Variants in CCDC6 observed in about 807,000 individuals in gnomAD.
CCDC6 encodes coiled-coil domain-containing protein 6.
CCDC6 carries 20 observed loss-of-function variants against 56.6 expected under a neutral mutation model. The observed-to-expected ratio is 0.35, with a 90% CI of 0.25 to 0.51. The LOEUF (loss-of-function observed/expected upper bound fraction) is 0.51, where lower values mean the gene tolerates loss of function less well. Among genes scored for constraint, CCDC6 ranks in the 20% least tolerant of loss-of-function variants. The pLI is 0.95. For synonymous variants in CCDC6, 241 were observed against 234.4 expected (o/e 1.03, Z -0.26); for missense variants, 367 against 601.1 (o/e 0.61, Z 4.07).
At chr10:59,889,287 G>T (rs931315597) in intron 1 of CCDC6, among the ~76,000 whole-genome samples, 1 of 152,208 alleles carries the variant, frequency 6.6e-6, no homozygotes, top group East Asian at 1.9e-4. Flanking sequence ...CATTCTATGG[G>T]AGGGGCTTCT....
intron 2 of CCDC6, among the ~76,000 whole-genome samples, chr10:59,848,573 A>C (rs1450999354): frequency 6.6e-6 from 1 of 152,152 alleles, no homozygotes; most frequent in Non-Finnish European, 1.5e-5. Context: ...AGCTACCTGG[A>C]AGGTGAACTG....
At chr10:59,828,975 T>C (rs72817928) in intron 3 of CCDC6, among the ~76,000 whole-genome samples, 50 of 152,324 alleles carry the variant, frequency 3.3e-4, no homozygotes, top group African/African-American at 1.2e-3. Context: ...GAACCATTTA[T>C]AGCCCATAGA....
chr10:59,849,738 T>C (rs12250558), intron 2 of CCDC6, among the ~76,000 whole-genome samples: 13,398 of 152,212 alleles, frequency 0.088, 1,632 homozygotes, highest in African/African-American at 0.27. Flanking sequence ...GCATGATTTC[T>C]CTTAGCAGGC....
intron 1 of CCDC6, among the ~76,000 whole-genome samples, chr10:59,882,072 CGGGGAGAAGGAAAGGAAAGCCGG>C (rs1564755852): frequency 1.0e-4 from 4 of 38,506 alleles, no homozygotes; most frequent in African/African-American, 1.7e-4. Context: ...AGGAAAGCCG[CGGGGAGAAGGAAAGGAAAGCCGG>C]GGGGAGAAGG....
At chr10:59,817,844 C>T (rs57276799) in intron 3 of CCDC6, among the ~76,000 whole-genome samples, 3,876 of 152,234 alleles carry the variant, frequency 0.025, 164 homozygotes, top group African/African-American at 0.089. Context: ...TCTGGCCTAT[C>T]CATTCTGTCA....
chr10:59,801,449 C>A (rs1442476568), intron 7 of CCDC6, among the ~76,000 whole-genome samples: 1 of 152,196 alleles, frequency 6.6e-6, no homozygotes, highest in Admixed American at 6.5e-5. Context: ...TGGCAGCTAA[C>A]CACTCCCTTC....
intron 5 of CCDC6, among the ~76,000 whole-genome samples, chr10:59,808,425 C>A (rs1238843070): frequency 6.6e-6 from 1 of 152,188 alleles, no homozygotes; most frequent in Non-Finnish European, 1.5e-5. Context: ...ACCTCCCCAC[C>A]GCCCCCATTC....
At chr10:59,855,697 A>G (rs186927989) in intron 1 of CCDC6, among the ~76,000 whole-genome samples, 9 of 152,330 alleles carry the variant, frequency 5.9e-5, no homozygotes, top group African/African-American at 1.9e-4. Flanking sequence ...ACTTTGTACA[A>G]CCTTCCCAAT....
chr10:59,821,211 C>T (rs2070747375), intron 3 of CCDC6, among the ~76,000 whole-genome samples: 1 of 152,106 alleles, frequency 6.6e-6, no homozygotes, highest in Non-Finnish European at 1.5e-5. Flanking sequence ...CAGATTGTAC[C>T]TATATATTGG....
At chr10:59,877,217 A>G (rs1157837322) in intron 1 of CCDC6, among the ~76,000 whole-genome samples, 1 of 152,180 alleles carries the variant, frequency 6.6e-6, no homozygotes, top group Non-Finnish European at 1.5e-5. Flanking sequence ...CAAAACAAAC[A>G]TCCTCCATCT....
At chr10:59,881,862 G>A (rs2132675270) in intron 1 of CCDC6, among the ~76,000 whole-genome samples, 1 of 152,242 alleles carries the variant, frequency 6.6e-6, no homozygotes, top group South Asian at 2.1e-4. Flanking sequence ...CTCACTCCAC[G>A]TTCCTGTCCC....
intron 3 of CCDC6, among the ~76,000 whole-genome samples, chr10:59,818,018 G>A (rs957048688): frequency 3.3e-5 from 5 of 152,084 alleles, no homozygotes; most frequent in Non-Finnish European, 2.9e-5. Flanking sequence ...AGATAGGAAC[G>A]GATATCGGTC....
At chr10:59,830,924 C>T (rs1227529950) in intron 3 of CCDC6, among the ~76,000 whole-genome samples, 2 of 152,172 alleles carry the variant, frequency 1.3e-5, no homozygotes, top group Non-Finnish European at 1.5e-5. Context: ...TATTGACAAC[C>T]ATCATTGTGA....
In CCDC6 at chr10:59,904,650, C is replaced by A. The variant is rs933119190; in HGVS notation, c.303+1472G>T. Among the ~76,000 whole-genome samples the A allele has an allele frequency of 2.6e-5, 4 of 152,338 alleles. 1 individual carries two copies. The South Asian group carries it at 6.2e-4, about 24-fold the overall frequency. ...CTGCCTCTGCAAATTCCCCGCCCCCCACCTTCCTACCAAAAGGGCACTTCA... is the reference window on the plus strand; with the variant it reads ...CTGCCTCTGCAAATTCCCCGCCCCCAACCTTCCTACCAAAAGGGCACTTCA... On this transcript the variant is annotated intron_variant, in intron 1 of 8. Transcript: ENST00000263102.
chr10:59,833,516 A>G (rs963219947), intron 2 of CCDC6, among the ~76,000 whole-genome samples: 4 of 152,230 alleles, frequency 2.6e-5, no homozygotes, highest in African/African-American at 9.6e-5. Flanking sequence ...GAAAATTTAA[A>G]AACAAAAACA....
At chr10:59,796,766 G>A (rs925389011) in intron 7 of CCDC6, among the ~76,000 whole-genome samples, 3 of 152,144 alleles carry the variant, frequency 2.0e-5, no homozygotes, top group African/African-American at 7.2e-5. Context: ...AGGAGATCGA[G>A]ACCATCTTGG....
chr10:59,846,702 A>G (rs915106033), intron 2 of CCDC6, among the ~76,000 whole-genome samples: 11 of 152,240 alleles, frequency 7.2e-5, no homozygotes, highest in Non-Finnish European at 1.2e-4. Context: ...GTACCGTACT[A>G]CAAATCTATT....
At chr10:59,879,617 A>C (rs2450470) in intron 1 of CCDC6, among the ~76,000 whole-genome samples, 115,161 of 151,600 alleles carry the variant, frequency 0.76, 43,975 homozygotes, top group East Asian at 0.9. Context: ...AGTAACCACT[A>C]CTTCTTTACT....
chr10:59,813,923 C>T (rs2070692170), intron 4 of CCDC6, among the ~76,000 whole-genome samples: 1 of 152,104 alleles, frequency 6.6e-6, no homozygotes, highest in African/African-American at 2.4e-5. Context: ...AGGAAGGGCT[C>T]TGGGTAGCAA....
Sources: gnomAD v4.1 joint callset for allele counts (sites outside exome capture counted in the v4.1 genomes callset) on GRCh38, gnomAD v4.1.1 for gene constraint, MANE v1.5 for transcripts, NCBI Gene and HGNC (gene_info 2026-07-23, HGNC 2026-07-21) for gene names.